Variants in PLCB1 observed in about 807,000 individuals in gnomAD.
PLCB1 encodes the protein 1-phosphatidylinositol 4,5-bisphosphate phosphodiesterase beta-1.
PLCB1 carries 46 observed loss-of-function variants against 161.8 expected under a neutral mutation model. That is an observed-to-expected ratio of 0.28 (90% CI 0.22 to 0.36). PLCB1 has a LOEUF of 0.36. PLCB1 is among the 10% of genes least tolerant of loss of function. PLCB1 has a pLI of 1.00. For synonymous variants in PLCB1, 517 were observed against 503.7 expected (o/e 1.03, Z -0.35); for missense variants, 1,016 against 1,472.5 (o/e 0.69, Z 5.07).
chr20:8,491,520 A>G (rs1982945984), intron 3 of PLCB1, among the ~76,000 whole-genome samples: 1 of 152,096 alleles, frequency 6.6e-6, no homozygotes, highest in African/African-American at 2.4e-5. Flanking sequence ...ACGTTGTCTA[A>G]TGTTCCACTG....
intron 3 of PLCB1, among the ~76,000 whole-genome samples, chr20:8,493,608 A>T (rs1168278672): frequency 6.6e-6 from 1 of 152,210 alleles, no homozygotes; most frequent in Non-Finnish European, 1.5e-5. Context: ...TGTAAAGTGA[A>T]TTTTGAGAGT....
In PLCB1 at chr20:8,824,708, T is replaced by C. The variant is rs1985604207; in HGVS notation, c.3423+34447T>C. Among the ~76,000 whole-genome samples, 6 of 152,158 alleles carry C rather than the reference T, an allele frequency of 3.9e-5. No individual in the cohort carries two copies. In the South Asian group the frequency reaches 1.2e-3, roughly 32 times the overall value. On this transcript the variant is annotated intron_variant, in intron 31 of 31. Transcript: ENST00000338037. ...GGGATTCATAAATTATAATTATAAG[T>C]GTTATTTATTAAAAGGTAGTTTTGG...
chr20:8,746,670 C>T (rs2123535292), intron 23 of PLCB1, among the ~76,000 whole-genome samples: 1 of 152,264 alleles, frequency 6.6e-6, no homozygotes, highest in African/African-American at 2.4e-5. Context: ...TATTCACTCA[C>T]TTAAGTCTTA....
intron 23 of PLCB1, chr20:8,750,741 T>G (rs569256323): frequency 4.7e-4 from 327 of 695,768 alleles, no homozygotes; most frequent in Non-Finnish European, 7.2e-4. Flanking sequence ...TTGAAGAAGC[T>G]CCTCCTTAAG....
chr20:8,660,476 C>T (rs1224770708), intron 9 of PLCB1, among the ~76,000 whole-genome samples: 1 of 152,158 alleles, frequency 6.6e-6, no homozygotes, highest in Non-Finnish European at 1.5e-5. Context: ...GTGAAGCACT[C>T]CAAAGTGTAA....
chr20:8,762,889 A>G (rs1478856423), intron 25 of PLCB1, among the ~76,000 whole-genome samples: 3 of 152,226 alleles, frequency 2.0e-5, no homozygotes, highest in Admixed American at 6.5e-5. Context: ...TTCACAGCAT[A>G]TATTATTTCT....
intron 2 of PLCB1, among the ~76,000 whole-genome samples, chr20:8,333,575 T>C (rs1445169340): frequency 1.3e-5 from 2 of 152,198 alleles, no homozygotes. Context: ...GAGAGGTTGC[T>C]ACTAACACCT....
At chr20:8,404,537 G>C (rs931000396) in intron 3 of PLCB1, among the ~76,000 whole-genome samples, 1 of 152,198 alleles carries the variant, frequency 6.6e-6, no homozygotes. Context: ...CCCCTGAGAA[G>C]CAGGATGTCA....
chr20:8,853,710 GT>G (rs1568625667), intron 31 of PLCB1, among the ~76,000 whole-genome samples: 1 of 152,156 alleles, frequency 6.6e-6, no homozygotes, highest in Admixed American at 6.5e-5. Flanking sequence ...TGCAACTTCA[GT>G]TCAAGCAAAG....
At position 8,306,784 on chromosome 20, in the gene PLCB1, T is replaced by C. The variant is rs1984154716; in HGVS notation, c.178-64598T>C. On this transcript the variant is annotated intron_variant, in intron 2 of 31. Coordinates refer to ENST00000338037, the MANE Select transcript of PLCB1 (RefSeq NM_015192.4). ...AGTTTAAGGAATCTTTTAACGGAATTTTTAAAAACACTTGGAGGCGGTGAC... is the reference window on the plus strand; with the variant it reads ...AGTTTAAGGAATCTTTTAACGGAATCTTTAAAAACACTTGGAGGCGGTGAC... Among the ~76,000 whole-genome samples the C allele has an allele frequency of 2.0e-5, 3 of 152,336 alleles. No individual in the cohort carries two copies. The South Asian group carries it at 6.2e-4, about 32-fold the overall frequency.
intron 2 of PLCB1, among the ~76,000 whole-genome samples, chr20:8,251,822 G>A (rs1981161781): frequency 6.6e-6 from 1 of 151,918 alleles, no homozygotes; most frequent in South Asian, 2.1e-4. Flanking sequence ...GGTGAAGTTT[G>A]TGGTGACATC....
At chr20:8,206,986 T>G (rs1978569843) in intron 2 of PLCB1, among the ~76,000 whole-genome samples, 1 of 94,600 alleles carries the variant, frequency 1.1e-5, no homozygotes. Context: ...ACAAGGAGAA[T>G]AAAAATTGTG....
chr20:8,735,428 T>G (rs1425618184), intron 19 of PLCB1, among the ~76,000 whole-genome samples: 2 of 152,216 alleles, frequency 1.3e-5, no homozygotes, highest in Admixed American at 1.3e-4. Flanking sequence ...CTCCCCTGAA[T>G]GGACAGTTCT....
rs3031931 is a variant in PLCB1, at chr20:8,275,250, AGT to A, written c.178-96096_178-96095del. 2.6e-3 allele frequency among the ~76,000 whole-genome samples: 384 copies of A among 145,448 alleles called. 2 individuals are homozygous for A. The highest frequency in any genetic ancestry group is 7.2e-3 in the African/African-American group (281 of 39,038). On this transcript the variant is annotated intron_variant, in intron 2 of 31. Transcript: ENST00000338037. ...ACCAGGTTTGCTTTGCATCAGCGTG[AGT>A]GTGTGTGTGTGTGTGTGTGTGTGTG... is the stretch of plus-strand genomic sequence containing the variant.
At chr20:8,147,578 G>A (rs1015979583) in intron 1 of PLCB1, among the ~76,000 whole-genome samples, 14 of 152,196 alleles carry the variant, frequency 9.2e-5, no homozygotes, top group Admixed American at 2.0e-4. Context: ...AAAACAAGCA[G>A]GTGGAATTGA....
intron 9 of PLCB1, among the ~76,000 whole-genome samples, chr20:8,677,741 TA>T (rs920022100): frequency 7.3e-4 from 110 of 151,650 alleles, no homozygotes; most frequent in African/African-American, 2.5e-3. Flanking sequence ...AAAAATCTTT[TA>T]AAAAAAAATC....
intron 2 of PLCB1, among the ~76,000 whole-genome samples, chr20:8,369,631 T>C (rs948856957): frequency 3.3e-5 from 5 of 152,200 alleles, no homozygotes; most frequent in African/African-American, 1.2e-4. Context: ...CACCAGTCAC[T>C]CTGTATTGCA....
intron 2 of PLCB1, among the ~76,000 whole-genome samples, chr20:8,241,309 A>C (rs1295033655): frequency 6.6e-6 from 1 of 151,898 alleles, no homozygotes; most frequent in Non-Finnish European, 1.5e-5. Flanking sequence ...TCTCTATCCT[A>C]ATGTCATGTT....
At chr20:8,703,898 C>A (rs1294119973) in intron 11 of PLCB1, among the ~76,000 whole-genome samples, 1 of 152,142 alleles carries the variant, frequency 6.6e-6, no homozygotes, top group Non-Finnish European at 1.5e-5. Flanking sequence ...AGCTAAATAC[C>A]CACTTCCTAA....
Sources: gnomAD v4.1 joint callset for allele counts (sites outside exome capture counted in the v4.1 genomes callset) on GRCh38, gnomAD v4.1.1 for gene constraint, MANE v1.5 for transcripts, NCBI Gene and HGNC (gene_info 2026-07-23, HGNC 2026-07-21) for gene names.